Variants in RANBP17 observed in about 807,000 individuals in gnomAD.
The protein encoded by RANBP17 is ran-binding protein 17.
RANBP17 carries 158 observed loss-of-function variants against 141.2 expected under a neutral mutation model. That is an observed-to-expected ratio of 1.12 (90% CI 0.98 to 1.28). The LOEUF (loss-of-function observed/expected upper bound fraction) is 1.28. Among genes scored for constraint, RANBP17 ranks in the 50% most tolerant of loss-of-function variants. The probability of loss-of-function intolerance (pLI) is 0.00; values close to 1 mark genes in which losing one functional copy is unlikely to be tolerated. For missense variants in RANBP17, 1,438 were observed against 1,290.7 expected (o/e 1.11, Z -1.75); for synonymous variants, 430 against 450.0 (o/e 0.96, Z 0.56).
intron 1 of RANBP17, among the ~76,000 whole-genome samples, chr5:170,869,233 T>A (rs1393950531): frequency 2.6e-5 from 4 of 152,122 alleles, no homozygotes; most frequent in Admixed American, 1.3e-4. Flanking sequence ...ACAAATAATT[T>A]CCAGACTTTT....
At chr5:170,876,320 T>G (rs1464153965) in intron 1 of RANBP17, among the ~76,000 whole-genome samples, 1 of 152,148 alleles carries the variant, frequency 6.6e-6, no homozygotes, top group Non-Finnish European at 1.5e-5. Context: ...ATTTGCATGT[T>G]GTTTTGGTTC....
At chr5:171,097,608 TTTA>T (rs35948377) in intron 14 of RANBP17, among the ~76,000 whole-genome samples, 23,123 of 141,228 alleles carry the variant, frequency 0.16, 1,936 homozygotes, top group African/African-American at 0.23. Context: ...ATGTAGTCTT[TTTA>T]TTATTATTAT....
At chr5:170,933,362 A>G (rs536518486) in intron 12 of RANBP17, among the ~76,000 whole-genome samples, 34 of 152,220 alleles carry the variant, frequency 2.2e-4, no homozygotes, top group African/African-American at 7.7e-4. Context: ...CAAAAAAACC[A>G]GCTCCTGGAT....
Position 170,892,385 on chromosome 5 carries a change from A to C in RANBP17, c.257-2A>C, listed in dbSNP as rs1337095380. ...ATGACCCATGGAGTGTTTTCTTTGT[A>C]GGAAACTACATTCTGAATTACGTGG... On this transcript the variant is annotated splice_acceptor_variant, in intron 3 of 27. Transcript: ENST00000523189. LOFTEE classifies it high-confidence loss of function. 7.0e-7 allele frequency: 1 copy of C among 1,436,220 alleles called. No individual in the cohort carries two copies. Among genetic ancestry groups the C allele is most frequent in the Admixed American group, 2.1e-5 (1 of 47,788 alleles). 89.0% of individuals were successfully genotyped at this position (1,436,220 alleles called of 1,614,324 possible).
chr5:171,139,130 T>A (rs1250209033), intron 14 of RANBP17, among the ~76,000 whole-genome samples: 3 of 151,930 alleles, frequency 2.0e-5, no homozygotes, highest in Non-Finnish European at 4.4e-5. Context: ...TTTAAAAAAA[T>A]TGTAAATAAC....
At chr5:171,098,972 A>G (rs1171512046) in intron 14 of RANBP17, among the ~76,000 whole-genome samples, 1 of 152,072 alleles carries the variant, frequency 6.6e-6, no homozygotes, top group Non-Finnish European at 1.5e-5. Context: ...TTTGGTCTAT[A>G]TATCTGTTTT....
intron 14 of RANBP17, among the ~76,000 whole-genome samples, chr5:171,063,621 G>A (rs565986625): frequency 2.6e-5 from 4 of 152,312 alleles, no homozygotes; most frequent in East Asian, 1.9e-4. Context: ...GTCAGGGACC[G>A]ACTTGAGGAG....
intron 14 of RANBP17, among the ~76,000 whole-genome samples, chr5:171,090,352 G>A (rs927838122): frequency 2.6e-5 from 4 of 152,200 alleles, no homozygotes; most frequent in Admixed American, 2.0e-4. Context: ...ATTTGAATTC[G>A]AGAGAGATGA....
chr5:171,276,084 T>C (rs1215379288), intron 25 of RANBP17, among the ~76,000 whole-genome samples: 2 of 152,200 alleles, frequency 1.3e-5, no homozygotes, highest in Non-Finnish European at 2.9e-5. Context: ...ATAATTTCTG[T>C]ACAGCTGGCA....
intron 14 of RANBP17, among the ~76,000 whole-genome samples, chr5:171,008,183 T>C (rs1454359927): frequency 6.6e-6 from 1 of 152,166 alleles, no homozygotes; most frequent in Non-Finnish European, 1.5e-5. Context: ...CTCCTTTGTC[T>C]GTACTAGAGA....
chr5:170,922,254 G>A (rs1049342602), intron 11 of RANBP17, among the ~76,000 whole-genome samples: 3 of 152,070 alleles, frequency 2.0e-5, no homozygotes, highest in Non-Finnish European at 4.4e-5. Flanking sequence ...GCCCCTACTG[G>A]GAGGTGTTTC....
In RANBP17 at chr5:171,057,835, A is replaced by G. The variant is rs571131384; in HGVS notation, c.1710+89458A>G. Among the ~76,000 whole-genome samples, 80 of 152,166 alleles carry G rather than the reference A, an allele frequency of 5.3e-4. No homozygotes were observed. The South Asian group carries it at 0.012, about 23-fold the overall frequency. On this transcript the variant is annotated intron_variant, in intron 14 of 27. Coordinates refer to ENST00000523189, the MANE Select transcript of RANBP17 (RefSeq NM_022897.5). The stretch of plus-strand genomic sequence containing the variant: ...TCAGATCTTCTGAGAACTCACTATC[A>G]CAAGAACAGCATGGGGGAAACTGCC...
intron 14 of RANBP17, among the ~76,000 whole-genome samples, chr5:171,064,152 A>T (rs936189803): frequency 2.6e-5 from 4 of 152,204 alleles, no homozygotes; most frequent in Non-Finnish European, 5.9e-5. Context: ...CGGCTCACAC[A>T]CGGTGCGCTG....
Position 171,183,425 on chromosome 5 carries a change from A to G in RANBP17, c.2033A>G (p.Asp678Gly). 6.2e-7 allele frequency: 1 copy of G among 1,609,636 alleles called. No homozygotes were observed. The highest frequency in any genetic ancestry group is 1.7e-4 in the Middle Eastern group (1 of 6,054). The part of the protein sequence containing the change: ...YTALTRLLMV[D>G]LGEDEDEFEN... The stretch of plus-strand genomic sequence containing the variant: ...GCGCTCACTCGCCTTCTGATGGTAG[A>G]TCTGGGTAAGGTTAAGAATTTAAAC... Residue 678 changes from aspartate (D) to glycine (G), a missense_variant, in exon 18 of 28, where the codon GAT becomes GGT. Transcript: ENST00000523189.
chr5:170,999,784 T>A (rs757706133), intron 14 of RANBP17, among the ~76,000 whole-genome samples: 31 of 152,204 alleles, frequency 2.0e-4, no homozygotes, highest in Non-Finnish European at 5.9e-5. Flanking sequence ...CATTTTAAAG[T>A]ATGCAGTTCA....
intron 22 of RANBP17, among the ~76,000 whole-genome samples, chr5:171,229,296 T>A (rs1384277992): frequency 6.6e-6 from 1 of 152,254 alleles, no homozygotes; most frequent in Non-Finnish European, 1.5e-5. Flanking sequence ...TCAGGTGGCT[T>A]ACAAAGCAAG....
intron 14 of RANBP17, among the ~76,000 whole-genome samples, chr5:171,163,621 C>G (rs1172503708): frequency 6.6e-6 from 1 of 152,182 alleles, no homozygotes; most frequent in Non-Finnish European, 1.5e-5. Context: ...CTAAGGAACA[C>G]TAATGCTTTC....
Position 171,155,654 on chromosome 5 carries a change from T to A in RANBP17, c.1711-14476T>A, listed in dbSNP as rs532049790. 3.9e-5 allele frequency among the ~76,000 whole-genome samples: 6 copies of A among 152,268 alleles called. No individual in the cohort carries two copies. The East Asian group carries it at 1.2e-3, about 29-fold the overall frequency. On this transcript the variant is annotated intron_variant, in intron 14 of 27. Coordinates refer to ENST00000523189, the MANE Select transcript of RANBP17 (RefSeq NM_022897.5). ...TGATTTTAAAAGAAAAGAGAAAAAG[T>A]AGATTTGAATGGAGAAATCGAGTGC...
At chr5:171,210,519 G>T (rs564562714) in intron 20 of RANBP17, among the ~76,000 whole-genome samples, 5 of 152,218 alleles carry the variant, frequency 3.3e-5, no homozygotes, top group African/African-American at 1.2e-4. Context: ...TAGGTTCTGA[G>T]ATTTGGGTTG....
Sources: gnomAD v4.1 joint callset for allele counts (sites outside exome capture counted in the v4.1 genomes callset) on GRCh38, gnomAD v4.1.1 for gene constraint, MANE v1.5 for transcripts, NCBI Gene and HGNC (gene_info 2026-07-23, HGNC 2026-07-21) for gene names.